The following ACER3 variants were observed in gnomAD, a reference collection of about 807,000 sequenced individuals.
ACER3 encodes the protein alkCDase 3.
Under a neutral mutation model 48.9 loss-of-function variants are expected in ACER3, and 16 were observed. The ratio of observed to expected loss-of-function variants is 0.33; its 90% confidence interval spans 0.22 to 0.50. ACER3 has a LOEUF of 0.50. Among genes scored for constraint, ACER3 ranks in the 20% least tolerant of loss-of-function variants. ACER3 has a pLI of 0.98. For missense variants in ACER3, 227 were observed against 326.0 expected, an observed-to-expected ratio of 0.70 and a Z score of 2.34; for synonymous variants, 109 against 107.8, an observed-to-expected ratio of 1.01 and a Z score of -0.07.
chr11:76,964,526 C>T (rs1948085249), intron 3 of ACER3, among the ~76,000 whole-genome samples: 1 of 151,370 alleles, frequency 6.6e-6, no homozygotes, highest in African/African-American at 2.5e-5. Context: ...TCAAGTGGGT[C>T]CCTGACCCCC....
intron 1 of ACER3, among the ~76,000 whole-genome samples, chr11:76,921,717 T>C (rs1000099929): frequency 6.6e-6 from 1 of 152,150 alleles, no homozygotes; most frequent in Non-Finnish European, 1.5e-5. Flanking sequence ...ATTTGGGATT[T>C]TTATTAGTAT....
intron 6 of ACER3, 78 bp downstream of exon 6, chr11:76,990,652 A>C: frequency 2.0e-6 from 2 of 982,902 alleles, no homozygotes; most frequent in Non-Finnish European, 3.1e-6. Context: ...CTAAGAAATG[A>C]TATGCAGATA....
intron 1 of ACER3, among the ~76,000 whole-genome samples, chr11:76,909,364 A>G (rs1946311710): frequency 6.6e-6 from 1 of 152,206 alleles, no homozygotes; most frequent in South Asian, 2.1e-4. Context: ...AATTTTTGCA[A>G]TCTATCCATC....
intron 1 of ACER3, among the ~76,000 whole-genome samples, chr11:76,900,869 C>T (rs1946064008): frequency 1.3e-5 from 2 of 152,192 alleles, no homozygotes; most frequent in African/African-American, 4.8e-5. Context: ...AAACCCTTCA[C>T]CCTCTACCTT....
At chr11:76,878,236 A>T (rs1193789537) in intron 1 of ACER3, among the ~76,000 whole-genome samples, 1 of 152,040 alleles carries the variant, frequency 6.6e-6, no homozygotes, top group Non-Finnish European at 1.5e-5. Context: ...AACTTTAACT[A>T]TTAGGTTGGT....
At chr11:76,916,733 C>T (rs2134757637) in intron 1 of ACER3, among the ~76,000 whole-genome samples, 1 of 152,318 alleles carries the variant, frequency 6.6e-6, no homozygotes, top group East Asian at 1.9e-4. Context: ...GAAACTTTCC[C>T]TTTTTGACCT....
At chr11:76,877,888 A>G (rs935570149) in intron 1 of ACER3, among the ~76,000 whole-genome samples, 5 of 151,922 alleles carry the variant, frequency 3.3e-5, no homozygotes, top group East Asian at 1.9e-4. Context: ...TATATTTTAT[A>G]TAAGTGGAAT....
intron 1 of ACER3, among the ~76,000 whole-genome samples, chr11:76,918,269 T>C (rs1028416956): frequency 6.6e-6 from 1 of 152,100 alleles, no homozygotes; most frequent in Admixed American, 6.5e-5. Flanking sequence ...GTTTTTTTTT[T>C]CTTCTGATAT....
At chr11:76,988,720 G>A (rs1217399222) in intron 5 of ACER3, among the ~76,000 whole-genome samples, 1 of 152,224 alleles carries the variant, frequency 6.6e-6, no homozygotes, top group Non-Finnish European at 1.5e-5. Flanking sequence ...GGTTAATCGT[G>A]AAAGAATTGT....
chr11:76,962,674 C>G (rs1565202069), intron 3 of ACER3, among the ~76,000 whole-genome samples: 2 of 151,352 alleles, frequency 1.3e-5, no homozygotes, highest in Non-Finnish European at 2.9e-5. Context: ...AATTCAAGGA[C>G]AAGTCGAAAA....
At chr11:76,867,831 A>C (rs975498175) in intron 1 of ACER3, among the ~76,000 whole-genome samples, 1 of 152,142 alleles carries the variant, frequency 6.6e-6, no homozygotes, top group South Asian at 2.1e-4. Flanking sequence ...CCTTTTGTCC[A>C]TGAGTGAGAA....
intron 1 of ACER3, among the ~76,000 whole-genome samples, chr11:76,922,147 G>A (rs1234412693): frequency 6.6e-6 from 1 of 152,074 alleles, no homozygotes. Flanking sequence ...TGTCAGGGTT[G>A]TCCTTACTCT....
intron 1 of ACER3, among the ~76,000 whole-genome samples, chr11:76,879,344 T>C (rs1009644963): frequency 2.8e-4 from 42 of 152,172 alleles, no homozygotes; most frequent in Admixed American, 2.6e-3. Flanking sequence ...AATAGGCATA[T>C]CCAGTTATTT....
At chr11:77,007,380 A>G (rs1480836900) in intron 7 of ACER3, among the ~76,000 whole-genome samples, 1 of 152,110 alleles carries the variant, frequency 6.6e-6, no homozygotes, top group East Asian at 1.9e-4. Context: ...CCACCTCATT[A>G]CTGCCAGGTA....
intron 1 of ACER3, among the ~76,000 whole-genome samples, chr11:76,882,193 G>C (rs541439588): frequency 1.3e-5 from 2 of 152,076 alleles, no homozygotes; most frequent in East Asian, 3.9e-4. Context: ...TTTTAGTAGA[G>C]ATGGGGTTTC....
At chr11:76,894,120 A>T (rs1415174414) in intron 1 of ACER3, among the ~76,000 whole-genome samples, 3 of 152,130 alleles carry the variant, frequency 2.0e-5, no homozygotes, top group African/African-American at 7.2e-5. Context: ...CTCTACAAAA[A>T]ATTACAAAAT....
chr11:76,883,633 C>T (rs756207122), intron 1 of ACER3, among the ~76,000 whole-genome samples: 13 of 151,912 alleles, frequency 8.6e-5, no homozygotes, highest in Non-Finnish European at 1.5e-4. Flanking sequence ...TTAGTAGAGA[C>T]GGAGTTTCGC....
At chr11:76,869,409 G>A (rs1313313265) in intron 1 of ACER3, among the ~76,000 whole-genome samples, 1 of 152,192 alleles carries the variant, frequency 6.6e-6, no homozygotes, top group Non-Finnish European at 1.5e-5. Context: ...AACATAGATA[G>A]GTTCATAAAG....
chr11:76,868,521 C>T (rs901151840), intron 1 of ACER3, among the ~76,000 whole-genome samples: 11 of 151,590 alleles, frequency 7.3e-5, no homozygotes, highest in Admixed American at 6.6e-4. Flanking sequence ...TCAAAACAGG[C>T]CTTAGGAAAC....
Sources: allele counts gnomAD v4.1 joint callset (sites outside exome capture counted in the v4.1 genomes callset), GRCh38; gene constraint gnomAD v4.1.1; transcripts MANE v1.5; gene names NCBI Gene and HGNC (gene_info 2026-07-23, HGNC 2026-07-21).